Variants in NCAM1 observed in about 807,000 individuals in gnomAD.
NCAM1 encodes neural cell adhesion molecule 1.
A neutral mutation model predicts 109.8 loss-of-function variants in NCAM1; 14 were observed. The ratio of observed to expected loss-of-function variants is 0.13; its 90% CI spans 0.08 to 0.20. NCAM1 has a LOEUF of 0.20. Among genes scored for constraint, NCAM1 ranks in the 10% least tolerant of loss-of-function variants. NCAM1 has a pLI of 1.00. For synonymous variants in NCAM1, 418 were observed against 442.9 expected (o/e 0.94, Z 0.70); for missense variants, 774 against 1,109.9 (o/e 0.70, Z 4.30).
At chr11:113,110,520 A>G (rs1320184800) in intron 1 of NCAM1, among the ~76,000 whole-genome samples, 1 of 152,210 alleles carries the variant, frequency 6.6e-6, no homozygotes, top group Non-Finnish European at 1.5e-5. Context: ...TGGGTCATTC[A>G]TATAGGGGGA....
intron 3 of NCAM1, 70 bp downstream of exon 3, chr11:113,204,574 G>T: frequency 3.4e-6 from 5 of 1,468,666 alleles, no homozygotes; most frequent in East Asian, 4.6e-5. Context: ...GTAGTGGAAA[G>T]GTGGAAATGA....
At chr11:112,986,174 G>A (rs1359498943) in intron 1 of NCAM1, among the ~76,000 whole-genome samples, 2 of 151,982 alleles carry the variant, frequency 1.3e-5, no homozygotes, top group African/African-American at 4.8e-5. Context: ...ATGATCATAT[G>A]GTTTTTGTCC....
At chr11:113,051,722 C>A (rs1444379388) in intron 1 of NCAM1, among the ~76,000 whole-genome samples, 1 of 152,068 alleles carries the variant, frequency 6.6e-6, no homozygotes, top group Non-Finnish European at 1.5e-5. Context: ...CCTGAAGATA[C>A]CTATAAAATA....
At chr11:113,175,618 A>G (rs1436478066) in intron 1 of NCAM1, among the ~76,000 whole-genome samples, 7 of 152,208 alleles carry the variant, frequency 4.6e-5, no homozygotes, top group Admixed American at 1.3e-4. Flanking sequence ...TGATACTGAG[A>G]AGAATGAATC....
intron 1 of NCAM1, among the ~76,000 whole-genome samples, chr11:113,097,678 G>A (rs537528806): frequency 8.9e-4 from 128 of 144,622 alleles, no homozygotes; most frequent in African/African-American, 3.2e-3. Context: ...TTAGATAATT[G>A]TTAGTGAAAG....
At chr11:113,097,860 GA>G (rs1238587424) in intron 1 of NCAM1, among the ~76,000 whole-genome samples, 1 of 152,082 alleles carries the variant, frequency 6.6e-6, no homozygotes, top group Admixed American at 6.5e-5. Context: ...AAGTGTATGA[GA>G]AAGAAAACTA....
intron 1 of NCAM1, among the ~76,000 whole-genome samples, chr11:112,973,172 G>T (rs1352390843): frequency 1.3e-5 from 2 of 152,038 alleles, no homozygotes; most frequent in Non-Finnish European, 2.9e-5. Flanking sequence ...AGCTTGTTCT[G>T]CATGTCACAA....
At chr11:113,065,903 C>T (rs191074723) in intron 1 of NCAM1, among the ~76,000 whole-genome samples, 22 of 152,166 alleles carry the variant, frequency 1.4e-4, no homozygotes, top group African/African-American at 4.6e-4. Context: ...AGAAACGTTG[C>T]GAGTTGATGA....
At chr11:113,053,053 G>T (rs1555082043) in intron 1 of NCAM1, among the ~76,000 whole-genome samples, 1 of 152,150 alleles carries the variant, frequency 6.6e-6, no homozygotes, top group African/African-American at 2.4e-5. Flanking sequence ...CAGAAAAATT[G>T]CAGAGGCTCT....
At chr11:113,091,973 G>A (rs1939365292) in intron 1 of NCAM1, among the ~76,000 whole-genome samples, 1 of 151,824 alleles carries the variant, frequency 6.6e-6, no homozygotes, top group Non-Finnish European at 1.5e-5. Context: ...TAAAGATTGA[G>A]TTCTACTCGA....
intron 1 of NCAM1, among the ~76,000 whole-genome samples, chr11:112,986,565 T>C (rs1322358376): frequency 1.3e-5 from 2 of 152,054 alleles, no homozygotes; most frequent in African/African-American, 4.8e-5. Flanking sequence ...TAGGAGATCT[T>C]TAATTACTGA....
intron 1 of NCAM1, among the ~76,000 whole-genome samples, chr11:113,108,781 G>GT (rs200125250): frequency 0.23 from 31,808 of 139,332 alleles, 3,675 homozygotes; most frequent in East Asian, 0.48. Context: ...GTTTTTTTTT[G>GT]TTTTTTTTTT....
intron 9 of NCAM1, among the ~76,000 whole-genome samples, chr11:113,226,431 G>A (rs1944847515): frequency 6.6e-6 from 1 of 152,164 alleles, no homozygotes; most frequent in Non-Finnish European, 1.5e-5. Flanking sequence ...ATTCATAAAG[G>A]AAGTCCTTAG....
At chr11:113,155,571 G>A (rs1490686392) in intron 1 of NCAM1, among the ~76,000 whole-genome samples, 1 of 151,944 alleles carries the variant, frequency 6.6e-6, no homozygotes, top group African/African-American at 2.4e-5. Flanking sequence ...TAGGTAAGGA[G>A]TTGCTAAGGT....
chr11:113,059,470 A>G (rs148008581), intron 1 of NCAM1, among the ~76,000 whole-genome samples: 532 of 152,276 alleles, frequency 3.5e-3, no homozygotes, highest in Non-Finnish European at 6.1e-3. Flanking sequence ...TCCACTTCCA[A>G]GACGGTTTCT....
At chr11:113,023,494 C>A (rs1420321612) in intron 1 of NCAM1, among the ~76,000 whole-genome samples, 1 of 152,132 alleles carries the variant, frequency 6.6e-6, no homozygotes, top group African/African-American at 2.4e-5. Context: ...ATTTCAATGA[C>A]CATCTCCAGG....
chr11:113,199,213 G>A (rs1467119870), intron 1 of NCAM1, among the ~76,000 whole-genome samples: 1 of 152,178 alleles, frequency 6.6e-6, no homozygotes, highest in Non-Finnish European at 1.5e-5. Flanking sequence ...TAAGGTGGGA[G>A]TTATGCCCAG....
intron 9 of NCAM1, among the ~76,000 whole-genome samples, chr11:113,227,279 T>C (rs1486285182): frequency 2.2e-4 from 34 of 151,978 alleles, no homozygotes; most frequent in African/African-American, 7.7e-4. Flanking sequence ...AAATACAAAC[T>C]ACCATCAGAG....
intron 1 of NCAM1, among the ~76,000 whole-genome samples, chr11:113,109,018 G>T (rs1159506000): frequency 1.3e-5 from 2 of 150,208 alleles, no homozygotes; most frequent in Non-Finnish European, 3.0e-5. Flanking sequence ...TGGGCCACCG[G>T]GCCTGGCTCC....
Sources: allele counts gnomAD v4.1 joint callset (sites outside exome capture counted in the v4.1 genomes callset), GRCh38; gene constraint gnomAD v4.1.1; transcripts MANE v1.5; gene names NCBI Gene and HGNC (gene_info 2026-07-23, HGNC 2026-07-21).